Variants in PNPT1 observed in about 807,000 individuals in gnomAD.
PNPT1 encodes the protein polyribonucleotide nucleotidyltransferase 1, mitochondrial.
Under a neutral mutation model 119.5 loss-of-function variants are expected in PNPT1, and 53 were observed. That is an observed-to-expected ratio of 0.44 (90% CI 0.36 to 0.56). PNPT1 has a LOEUF of 0.56. PNPT1 is among the 20% of genes least tolerant of loss of function. The probability of loss-of-function intolerance (pLI) is 0.00; values close to 1 mark genes in which losing one functional copy is unlikely to be tolerated. For missense variants in PNPT1, 948 were observed against 938.5 expected, an observed-to-expected ratio of 1.01 and a Z score of -0.13; for synonymous variants, 357 against 322.1, an observed-to-expected ratio of 1.11 and a Z score of -1.16.
chr2:55,671,866 C>T (rs1572822963), intron 10 of PNPT1, 129 bp downstream of exon 10: 1 of 685,318 alleles, frequency 1.5e-6, no homozygotes, highest in East Asian at 2.9e-5. Context: ...AACAATTAGG[C>T]TTTTGTTAGT....
chr2:55,665,379 A>C (rs1696701931), intron 13 of PNPT1, among the ~76,000 whole-genome samples: 1 of 152,212 alleles, frequency 6.6e-6, no homozygotes, highest in Non-Finnish European at 1.5e-5. Context: ...TTTATATCAG[A>C]ACTAAGTTTT....
chr2:55,686,454 A>G lies in PNPT1; in HGVS notation c.223-10T>C, dbSNP rs1697408160. On this transcript the variant is annotated splice_polypyrimidine_tract_variant and intron_variant, in intron 2 of 27. Coordinates refer to ENST00000447944, the MANE Select transcript of PNPT1 (RefSeq NM_033109.5). ...CTGCAGTGTCACCTGACTTAAACAT[A>G]AAGAACAACGCTGGTAAGTTCCTTT... The G allele has an allele frequency of 1.9e-6, 3 of 1,609,718 alleles. No homozygotes were observed. The highest frequency in any genetic ancestry group is 2.5e-6 in the Non-Finnish European group (3 of 1,176,666).
rs1325717226 is a variant in PNPT1 at position 55,634,153 on chromosome 2, A to G, written c.*2084T>C. On this transcript the variant is annotated 3_prime_UTR_variant, in exon 28 of 28. Coordinates refer to ENST00000447944, the MANE Select transcript of PNPT1 (RefSeq NM_033109.5). ...TCAACATTGCCTAACATGCTATTTT[A>G]CACACAATAGATATATAATCAATGT... The G allele has an allele frequency of 6.6e-6, 1 of 152,232 alleles. No individual in the cohort carries two copies. The highest frequency in any genetic ancestry group is 2.4e-5 in the African/African-American group (1 of 41,460). The allele number at this position is 152,232 out of a possible 1,614,324, so 9.4% of individuals were successfully genotyped here. A position where few individuals can be genotyped will look rare whatever the true frequency, so the allele number is the denominator to read the frequency against.
In PNPT1 at chr2:55,647,410, C is replaced by A; in HGVS notation, c.1539G>T (p.Leu513Phe). 1 of 1,609,338 alleles carries A rather than the reference C, an allele frequency of 6.2e-7. No individual in the cohort carries two copies. The highest frequency in any genetic ancestry group is 8.5e-7 in the Non-Finnish European group (1 of 1,177,028). Residue 513 changes from leucine to phenylalanine, a missense_variant, in exon 19 of 28, where the codon TTG becomes TTT. Coordinates refer to ENST00000447944, the MANE Select transcript of PNPT1 (RefSeq NM_033109.5). ...CCTTCTCAGGATCGGTTTTGGTGAC[C>A]AATCCTATTGCTACGCCTGCAACAG... ...SSAVAGVAIG[L>F]VTKTDPEKGE...
intron 8 of PNPT1, among the ~76,000 whole-genome samples, chr2:55,676,951 C>CA (rs2104142681): frequency 6.6e-6 from 1 of 151,902 alleles, no homozygotes; most frequent in East Asian, 1.9e-4. Flanking sequence ...TTTTGTATCA[C>CA]AGAAGTTCCA....
intron 11 of PNPT1, among the ~76,000 whole-genome samples, chr2:55,668,993 C>G (rs1417721591): frequency 1.3e-5 from 2 of 152,062 alleles, no homozygotes; most frequent in African/African-American, 4.8e-5. Context: ...ATTAGAAATC[C>G]CTACAAACTG....
At chr2:55,640,355 T>C (rs1695798292) in intron 26 of PNPT1, among the ~76,000 whole-genome samples, 1 of 152,224 alleles carries the variant, frequency 6.6e-6, no homozygotes, top group Non-Finnish European at 1.5e-5. Context: ...GGTTTCACCA[T>C]GTTGGTCAGG....
At chr2:55,659,873 T>C (rs1696508748) in intron 15 of PNPT1, among the ~76,000 whole-genome samples, 1 of 152,188 alleles carries the variant, frequency 6.6e-6, no homozygotes. Context: ...TCAACTTTAC[T>C]GTATCCTGGA....
chr2:55,636,328 G>C lies in PNPT1; in HGVS notation c.2261C>G (p.Ser754Trp). The change falls in exon 28 of 28, where the codon TCG (serine) becomes TGG (tryptophan). Residue 754 changes from serine (S) to tryptophan (W), a missense_variant. Physicochemically the swap from Ser to Trp is radical, Grantham distance 177 (BLOSUM62 -3). Coordinates refer to ENST00000447944, the MANE Select transcript of PNPT1 (RefSeq NM_033109.5). ...AGTTCTGACCACGGTTGTAGCTGGC[G>C]ACTGAAGCACTTTTCGAGAAAGCCT... ...RMRLSRKVLQ[S>W]PATTVVRTLN... 6.2e-7 allele frequency: 1 copy of C among 1,613,974 alleles called. No homozygotes were observed. The highest frequency in any genetic ancestry group is 1.1e-5 in the South Asian group (1 of 91,064).
chr2:55,661,140 C>T (rs1365608802), intron 14 of PNPT1, among the ~76,000 whole-genome samples: 1 of 139,392 alleles, frequency 7.2e-6, no homozygotes, highest in Non-Finnish European at 1.5e-5. Flanking sequence ...CTCTGTCGTC[C>T]AGGCTGGAGC....
At chr2:55,640,509 G>C in intron 26 of PNPT1, 118 bp downstream of exon 26, 2 of 878,108 alleles carry the variant, frequency 2.3e-6, no homozygotes, top group Non-Finnish European at 3.5e-6. Context: ...TCTGCCACTT[G>C]TTTTCTCTGT....
intron 15 of PNPT1, among the ~76,000 whole-genome samples, chr2:55,659,869 T>C (rs1696508661): frequency 6.6e-6 from 1 of 152,164 alleles, no homozygotes; most frequent in African/African-American, 2.4e-5. Context: ...TCTTTCAACT[T>C]TACTGTATCC....
At chr2:55,650,845 G>C (rs1323152446) in intron 18 of PNPT1, among the ~76,000 whole-genome samples, 5 of 151,738 alleles carry the variant, frequency 3.3e-5, no homozygotes. Context: ...CACCCCGTCT[G>C]GGAAGTGAGG....
At chr2:55,685,918 A>G (rs914345680) in intron 3 of PNPT1, among the ~76,000 whole-genome samples, 1 of 152,222 alleles carries the variant, frequency 6.6e-6, no homozygotes, top group African/African-American at 2.4e-5. Context: ...TAGTTTTTAT[A>G]CCGTATTGCG....
chr2:55,654,315 C>A (rs910143557), intron 18 of PNPT1, among the ~76,000 whole-genome samples: 1 of 151,766 alleles, frequency 6.6e-6, no homozygotes, highest in African/African-American at 2.4e-5. Context: ...CGTTTCAGAC[C>A]TGGGGATTAT....
chr2:55,686,613 G>C (rs900916557), intron 2 of PNPT1, among the ~76,000 whole-genome samples, 169 bp from the exon 3 acceptor site: 1 of 152,176 alleles, frequency 6.6e-6, no homozygotes, highest in South Asian at 2.1e-4. Context: ...TGATCTCTGA[G>C]CTTTTCAAAA....
At chr2:55,658,906 C>CA (rs1338929049) in intron 15 of PNPT1, among the ~76,000 whole-genome samples, 1 of 152,186 alleles carries the variant, frequency 6.6e-6, no homozygotes, top group Non-Finnish European at 1.5e-5. Context: ...AAGGGTTACA[C>CA]AAAAACGAAA....
At chr2:55,681,364 G>A (rs537424567) in intron 5 of PNPT1, among the ~76,000 whole-genome samples, 2 of 152,136 alleles carry the variant, frequency 1.3e-5, no homozygotes, top group African/African-American at 2.4e-5. Context: ...CTGAGATCAC[G>A]CCATTGCACT....
At chr2:55,663,822 A>T (rs1306644706) in intron 13 of PNPT1, among the ~76,000 whole-genome samples, 1 of 151,994 alleles carries the variant, frequency 6.6e-6, no homozygotes, top group Non-Finnish European at 1.5e-5. Context: ...ACTAAAAAAT[A>T]CAAAAAAAAA....
Sources: allele counts gnomAD v4.1 joint callset (sites outside exome capture counted in the v4.1 genomes callset), GRCh38; gene constraint gnomAD v4.1.1; transcripts MANE v1.5; gene names NCBI Gene and HGNC (gene_info 2026-07-23, HGNC 2026-07-21).